ATF6: variants seen among roughly 807,000 people sequenced by gnomAD.
ATF6 encodes cyclic AMP-dependent transcription factor ATF-6 alpha.
A neutral mutation model predicts 83.6 loss-of-function variants in ATF6; 53 were observed. The ratio of observed to expected loss-of-function variants is 0.63; its 90% CI spans 0.51 to 0.80. ATF6 has a LOEUF of 0.80. ATF6 is among the 30% of genes least tolerant of loss of function. The probability of loss-of-function intolerance (pLI) is 0.00; values close to 1 mark genes in which losing one functional copy is unlikely to be tolerated. For missense variants in ATF6, 744 were observed against 797.9 expected (o/e 0.93, Z 0.81); for synonymous variants, 288 against 285.8 (o/e 1.01, Z -0.08).
chr1:161,936,828 C>T (rs749910141), intron 15 of ATF6, among the ~76,000 whole-genome samples: 9 of 152,200 alleles, frequency 5.9e-5, no homozygotes, highest in African/African-American at 9.7e-5. Flanking sequence ...TCAGTTCACA[C>T]TTAACCAAAC....
intron 14 of ATF6, among the ~76,000 whole-genome samples, chr1:161,909,612 G>C (rs1204137335): frequency 2.6e-5 from 4 of 152,080 alleles, no homozygotes; most frequent in African/African-American, 9.7e-5. Flanking sequence ...ATCCTCTGTA[G>C]CACAGTGCTG....
At chr1:161,822,801 T>C (rs1685799061) in intron 9 of ATF6, among the ~76,000 whole-genome samples, 1 of 152,138 alleles carries the variant, frequency 6.6e-6, no homozygotes, top group Non-Finnish European at 1.5e-5. Flanking sequence ...AAGAGGTGAT[T>C]GTGTTAACAT....
At chr1:161,947,616 A>G (rs965463695) in intron 15 of ATF6, among the ~76,000 whole-genome samples, 2 of 152,204 alleles carry the variant, frequency 1.3e-5, no homozygotes, top group African/African-American at 4.8e-5. Context: ...ATTTTATAAT[A>G]ATTCAAAAAT....
intron 9 of ATF6, among the ~76,000 whole-genome samples, chr1:161,827,056 C>T (rs202107320): frequency 6.6e-5 from 10 of 151,692 alleles, no homozygotes; most frequent in Non-Finnish European, 1.5e-4. Context: ...CTCAGCCTCC[C>T]GAGTAGCTGG....
At chr1:161,900,184 A>G (rs980143906) in intron 14 of ATF6, among the ~76,000 whole-genome samples, 63 of 152,376 alleles carry the variant, frequency 4.1e-4, no homozygotes, top group Admixed American at 1.1e-3. Context: ...AATATTTAAT[A>G]TTAGAAGTGC....
At chr1:161,837,157 G>T (rs1339683223) in intron 9 of ATF6, among the ~76,000 whole-genome samples, 1 of 152,092 alleles carries the variant, frequency 6.6e-6, no homozygotes, top group Non-Finnish European at 1.5e-5. Context: ...AACAAGTGAA[G>T]GTCTAGGCTA....
chr1:161,901,636 A>G (rs937550523), intron 14 of ATF6, among the ~76,000 whole-genome samples: 1 of 152,122 alleles, frequency 6.6e-6, no homozygotes, highest in Non-Finnish European at 1.5e-5. Flanking sequence ...GTTGAAATAT[A>G]TGAAGAAAAT....
chr1:161,795,604 T>C (rs767673846), intron 6 of ATF6, among the ~76,000 whole-genome samples: 1 of 152,256 alleles, frequency 6.6e-6, no homozygotes, highest in Non-Finnish European at 1.5e-5. Context: ...ATCAGTGAGT[T>C]ACACATAGTC....
intron 15 of ATF6, among the ~76,000 whole-genome samples, chr1:161,928,335 G>T (rs1317163150): frequency 6.6e-6 from 1 of 152,056 alleles, no homozygotes; most frequent in Non-Finnish European, 1.5e-5. Context: ...TTATGTTCTG[G>T]TCATCTATTA....
chr1:161,814,421 A>T (rs929129984), intron 7 of ATF6, among the ~76,000 whole-genome samples: 1 of 152,224 alleles, frequency 6.6e-6, no homozygotes, highest in Non-Finnish European at 1.5e-5. Flanking sequence ...GGGTTTCCCC[A>T]TCCTATAACC....
At chr1:161,808,738 T>G (rs1238942017) in intron 7 of ATF6, among the ~76,000 whole-genome samples, 1 of 151,984 alleles carries the variant, frequency 6.6e-6, no homozygotes, top group African/African-American at 2.4e-5. Context: ...TTTTGATTTT[T>G]TTTTTTGTTT....
At chr1:161,957,356 T>A (rs1688989080) in intron 15 of ATF6, among the ~76,000 whole-genome samples, 1 of 152,196 alleles carries the variant, frequency 6.6e-6, no homozygotes, top group Admixed American at 6.5e-5. Context: ...TCTGGATTCA[T>A]GGATGAAAAT....
chr1:161,787,316 TTTC>T (rs1398416076), intron 4 of ATF6, among the ~76,000 whole-genome samples: 6 of 152,222 alleles, frequency 3.9e-5, no homozygotes, highest in Non-Finnish European at 7.3e-5. Flanking sequence ...GGATTCATCG[TTTC>T]TTATTTTATT....
rs372799121 is a variant in ATF6 at position 161,875,780 on chromosome 1, C to G, written c.1719+12468C>G. ...ACTCAGTTACACAAGTGGTTTTCCT[C>G]TAGACAACAATTGTACTTTGATATG... On this transcript the variant is annotated intron_variant, in intron 14 of 15. Coordinates refer to ENST00000367942, the MANE Select transcript of ATF6 (RefSeq NM_007348.4). Among the ~76,000 whole-genome samples the G allele has an allele frequency of 3.1e-4, 47 of 151,940 alleles. No individual in the cohort carries two copies. In the South Asian group the frequency reaches 9.5e-3, roughly 31 times the overall value.
At chr1:161,910,868 A>G (rs746805653) in intron 14 of ATF6, among the ~76,000 whole-genome samples, 8 of 152,176 alleles carry the variant, frequency 5.3e-5, no homozygotes, top group Admixed American at 2.6e-4. Flanking sequence ...CTGGAATTCT[A>G]ACAGAATTTA....
At chr1:161,889,886 G>T (rs1303985664) in intron 14 of ATF6, among the ~76,000 whole-genome samples, 1 of 152,166 alleles carries the variant, frequency 6.6e-6, no homozygotes. Flanking sequence ...AAAGCCTTTA[G>T]GGAAAAGGTA....
intron 13 of ATF6, 115 bp from the exon 14 acceptor site, chr1:161,863,083 A>G (rs188430062): frequency 3.6e-6 from 2 of 563,004 alleles, no homozygotes; most frequent in East Asian, 5.8e-5. Context: ...AAGTGCAACT[A>G]ATATTTTGGT....
chr1:161,809,478 A>C (rs1042799730), intron 7 of ATF6, among the ~76,000 whole-genome samples: 1 of 152,082 alleles, frequency 6.6e-6, no homozygotes, highest in African/African-American at 2.4e-5. Context: ...AGTCTTTGCT[A>C]TTGTGAATAG....
At chr1:161,887,258 T>C (rs1321450770) in intron 14 of ATF6, among the ~76,000 whole-genome samples, 3 of 151,886 alleles carry the variant, frequency 2.0e-5, no homozygotes. Context: ...TTTTTTTTTT[T>C]TAGTAGAGAC....
Sources: gnomAD v4.1 joint callset for allele counts (sites outside exome capture counted in the v4.1 genomes callset) on GRCh38, gnomAD v4.1.1 for gene constraint, MANE v1.5 for transcripts, NCBI Gene and HGNC (gene_info 2026-07-23, HGNC 2026-07-21) for gene names.